The following LRP1B variants were observed in gnomAD, a reference collection of about 807,000 sequenced individuals.
LRP1B encodes the protein LDL receptor related protein 1B.
Under a neutral mutation model 556.6 loss-of-function variants are expected in LRP1B, and 217 were observed. The ratio of observed to expected loss-of-function variants is 0.39; its 90% CI spans 0.35 to 0.44. LRP1B has a LOEUF of 0.44. LRP1B is among the 20% of genes least tolerant of loss of function. The probability of loss-of-function intolerance (pLI) is 1.00; values close to 1 mark genes in which losing one functional copy is unlikely to be tolerated. For missense variants in LRP1B, 5,053 were observed against 5,620.8 expected, an observed-to-expected ratio of 0.90 and a Z score of 3.23; for synonymous variants, 2,047 against 1,865.8, an observed-to-expected ratio of 1.10 and a Z score of -2.50.
intron 41 of LRP1B, among the ~76,000 whole-genome samples, chr2:140,607,982 T>C (rs1367552621): frequency 1.3e-5 from 2 of 151,718 alleles, no homozygotes; most frequent in African/African-American, 4.8e-5. Context: ...TCTCCCCACA[T>C]CAGTAAATAC....
intron 20 of LRP1B, among the ~76,000 whole-genome samples, chr2:140,936,561 G>T (rs1315370693): frequency 6.6e-6 from 1 of 151,820 alleles, no homozygotes; most frequent in East Asian, 1.9e-4. Context: ...CTGGTGAAAT[G>T]AAAGGAAAAT....
chr2:141,259,305 G>A (rs1243557917), intron 3 of LRP1B, among the ~76,000 whole-genome samples: 2 of 131,662 alleles, frequency 1.5e-5, no homozygotes, highest in Non-Finnish European at 3.4e-5. Context: ...ACCTCCAACT[G>A]TTTCAGTAAT....
At position 141,368,099 on chromosome 2, in the gene LRP1B, A is replaced by G. The variant is rs149549315; in HGVS notation, c.343+112297T>C. The stretch of plus-strand genomic sequence containing the variant: ...TAGCACTTCAAATTTTTAAAAATTC[A>G]GGTTTTTGTAACTGGTAAAATGTAA... On this transcript the variant is annotated intron_variant, in intron 3 of 90. Coordinates refer to ENST00000389484, the MANE Select transcript of LRP1B (RefSeq NM_018557.3). Among the ~76,000 whole-genome samples, 1,232 of 152,274 alleles carry G rather than the reference A, an allele frequency of 8.1e-3. 13 individuals carry two copies. Among genetic ancestry groups the G allele is most frequent in the African/African-American group, 0.026 (1,065 of 41,544 alleles).
At chr2:141,627,787 T>C (rs1192586301) in intron 2 of LRP1B, among the ~76,000 whole-genome samples, 1 of 152,098 alleles carries the variant, frequency 6.6e-6, no homozygotes, top group Admixed American at 6.6e-5. Flanking sequence ...GAACCTTGGA[T>C]AATTACGCGA....
At chr2:141,919,898 A>G (rs542514640) in intron 1 of LRP1B, among the ~76,000 whole-genome samples, 10 of 152,180 alleles carry the variant, frequency 6.6e-5, no homozygotes, top group African/African-American at 2.2e-4. Flanking sequence ...TTCACAAAAA[A>G]GTTCAATAGA....
intron 71 of LRP1B, among the ~76,000 whole-genome samples, chr2:140,369,430 C>A (rs1451380843): frequency 6.6e-6 from 1 of 151,900 alleles, no homozygotes; most frequent in African/African-American, 2.4e-5. Flanking sequence ...ATCCCCAAAC[C>A]TTTGAACGCA....
chr2:140,976,569 G>A (rs930564312), intron 18 of LRP1B, among the ~76,000 whole-genome samples: 1 of 142,114 alleles, frequency 7.0e-6, no homozygotes, highest in Non-Finnish European at 1.5e-5. Flanking sequence ...GTGCAGTGGC[G>A]CGATCTCGGC....
intron 30 of LRP1B, among the ~76,000 whole-genome samples, chr2:140,840,357 G>A (rs542299094): frequency 2.0e-5 from 3 of 152,238 alleles, no homozygotes; most frequent in African/African-American, 7.2e-5. Flanking sequence ...ATTTAGCTAA[G>A]ACTATAGTAA....
intron 7 of LRP1B, among the ~76,000 whole-genome samples, chr2:141,135,533 C>A (rs73962819): frequency 0.085 from 12,953 of 151,966 alleles, 956 homozygotes; most frequent in African/African-American, 0.2. Flanking sequence ...TGCACACATG[C>A]CCATGATAGA....
chr2:140,626,704 A>T (rs973120155), intron 41 of LRP1B, among the ~76,000 whole-genome samples: 5 of 15,140 alleles, frequency 3.3e-4, no homozygotes, highest in African/African-American at 1.4e-3. Context: ...TTCCATTTAA[A>T]AAAAAAAAAA....
chr2:141,502,242 G>A (rs1289925907), intron 2 of LRP1B, among the ~76,000 whole-genome samples: 1 of 152,182 alleles, frequency 6.6e-6, no homozygotes, highest in Non-Finnish European at 1.5e-5. Flanking sequence ...GAAATGTGGG[G>A]ACAAGAGAAT....
chr2:140,252,077 A>AAAAAAAAAAAAC (rs1681454004), intron 86 of LRP1B, among the ~76,000 whole-genome samples: 1 of 136,352 alleles, frequency 7.3e-6, no homozygotes, highest in Non-Finnish European at 1.5e-5. Flanking sequence ...AAAAAAAAAA[A>AAAAAAAAAAAAC]AAAAAAAAAA....
At chr2:141,097,688 A>T (rs772032154) in intron 7 of LRP1B, among the ~76,000 whole-genome samples, 2 of 152,156 alleles carry the variant, frequency 1.3e-5, no homozygotes, top group African/African-American at 2.4e-5. Context: ...CATTCACATA[A>T]TAGTGTGAAA....
At chr2:140,468,163 A>G (rs527551483) in intron 60 of LRP1B, among the ~76,000 whole-genome samples, 7 of 152,176 alleles carry the variant, frequency 4.6e-5, no homozygotes, top group Non-Finnish European at 1.0e-4. Context: ...TCTCTTCCCC[A>G]CCTTTCAGTG....
chr2:141,722,729 C>CATAGATAGATAGATAGATAG (rs58081113), intron 2 of LRP1B, among the ~76,000 whole-genome samples: 4 of 146,090 alleles, frequency 2.7e-5, no homozygotes, highest in Non-Finnish European at 3.0e-5. Flanking sequence ...CAGATAGATA[C>CATAGATAGATAGATAGATAG]ATAGATAGAT....
intron 1 of LRP1B, among the ~76,000 whole-genome samples, chr2:142,045,508 TAGGA>T (rs1704226429): frequency 6.6e-6 from 1 of 151,850 alleles, no homozygotes; most frequent in South Asian, 2.1e-4. Flanking sequence ...CATTGTTATA[TAGGA>T]ATTAGGTGAT....
At chr2:140,948,731 A>G (rs894508023) in intron 20 of LRP1B, among the ~76,000 whole-genome samples, 12 of 152,226 alleles carry the variant, frequency 7.9e-5, no homozygotes, top group African/African-American at 2.4e-4. Flanking sequence ...CAACCATGAG[A>G]ACTTGTGTTT....
intron 27 of LRP1B, among the ~76,000 whole-genome samples, chr2:140,865,252 T>C (rs1373138549): frequency 6.6e-6 from 1 of 152,094 alleles, no homozygotes; most frequent in Non-Finnish European, 1.5e-5. Context: ...GCTGAAACTT[T>C]TATTAATTTC....
chr2:141,102,952 T>A (rs1481669793), intron 7 of LRP1B, among the ~76,000 whole-genome samples: 1 of 152,146 alleles, frequency 6.6e-6, no homozygotes, highest in Non-Finnish European at 1.5e-5. Flanking sequence ...CTGATCCATT[T>A]CTGTTAATAA....
Sources: allele counts gnomAD v4.1 joint callset (sites outside exome capture counted in the v4.1 genomes callset), GRCh38; gene constraint gnomAD v4.1.1; transcripts MANE v1.5; gene names NCBI Gene and HGNC (gene_info 2026-07-23, HGNC 2026-07-21).